OPA3: variants seen among roughly 807,000 people sequenced by gnomAD.
OPA3 encodes optic atrophy 3 protein.
Under a neutral mutation model 4.0 loss-of-function variants are expected in OPA3, and 6 were observed. The ratio of observed to expected loss-of-function variants is 1.51; its 90% CI spans 0.83 to 2.99. The LOEUF (loss-of-function observed/expected upper bound fraction) is 2.99, where lower values mean the gene tolerates loss of function less well. Among genes scored for constraint, OPA3 ranks in the 30% most tolerant of loss-of-function variants. The pLI is 0.00. For synonymous variants in OPA3, 105 were observed against 117.1 expected (o/e 0.90, Z 0.67); for missense variants, 235 against 256.2 (o/e 0.92, Z 0.56).
At chr19:45,537,886 C>A (rs1049034325) in intron 1 of OPA3, among the ~76,000 whole-genome samples, 2 of 152,036 alleles carry the variant, frequency 1.3e-5, no homozygotes, top group African/African-American at 4.8e-5. Flanking sequence ...CAAGGTTATT[C>A]ATTATATTGT....
chr19:45,548,677 C>T lies in OPA3; in HGVS notation c.*4837G>A, dbSNP rs1357776944. ...ATTTTTTTTATTTTTTTTTTTTTTG[C>T]GGGAGACGCCCTACCAAGGACACTG... On this transcript the variant is annotated 3_prime_UTR_variant, in exon 2 of 2. Coordinates refer to ENST00000263275, the MANE Select transcript of OPA3 (RefSeq NM_025136.4). 1.4e-5 allele frequency: 14 copies of T among 966,126 alleles called. No individual in the cohort carries two copies. The highest frequency in any genetic ancestry group is 2.3e-4 in the East Asian group (2 of 8,576). The allele number at this position is 966,126 out of a possible 1,614,324, so 59.8% of individuals were successfully genotyped here. A position where few individuals can be genotyped will look rare whatever the true frequency, so the allele number is the denominator to read the frequency against.
chr19:45,553,240 C>T lies in OPA3; in HGVS notation c.*274G>A. Reference sequence around the variant, plus strand: ...CCATTTTTTCATTTGCCAGAGTGCCCACGGTGTCCTGCTGGCTGGGACCTT... The same window carrying T: ...CCATTTTTTCATTTGCCAGAGTGCCTACGGTGTCCTGCTGGCTGGGACCTT... On this transcript the variant is annotated 3_prime_UTR_variant, in exon 2 of 2. Transcript: ENST00000263275. 7.1e-7 allele frequency: 1 copy of T among 1,408,452 alleles called. No individual in the cohort carries two copies. Among genetic ancestry groups the T allele is most frequent in the African/African-American group, 1.4e-5 (1 of 69,170 alleles). 87.2% of individuals were successfully genotyped at this position (1,408,452 alleles called of 1,614,324 possible).
At chr19:45,574,220 C>T (rs1241524550) in intron 1 of OPA3, among the ~76,000 whole-genome samples, 1 of 151,742 alleles carries the variant, frequency 6.6e-6, no homozygotes, top group African/African-American at 2.4e-5. Flanking sequence ...GGTGAAACCC[C>T]GTCTCTACTA....
intron 1 of OPA3, among the ~76,000 whole-genome samples, chr19:45,560,812 A>G (rs530896295): frequency 1.3e-4 from 20 of 152,288 alleles, no homozygotes; most frequent in South Asian, 6.2e-4. Flanking sequence ...ACTCTAGGTC[A>G]CAACACAGTG....
chr19:45,558,903 TAC>T lies in OPA3; in HGVS notation c.143-4994_143-4993del, dbSNP rs888111870. On this transcript the variant is annotated intron_variant, in intron 1 of 1. Transcript: ENST00000263275. ...GAGACTTTGGTGCTTTTTTTTTTGA[TAC>T]AGAGTCTTGCTCTTGTTGCCCAGGC... 7.7e-4 allele frequency among the ~76,000 whole-genome samples: 116 copies of T among 151,440 alleles called. 1 individual carries two copies. Among genetic ancestry groups the T allele is most frequent in the African/African-American group, 2.1e-3 (85 of 41,332 alleles).
intron 1 of OPA3, among the ~76,000 whole-genome samples, chr19:45,558,649 C>T (rs1969455837): frequency 6.6e-6 from 1 of 152,056 alleles, no homozygotes; most frequent in East Asian, 1.9e-4. Flanking sequence ...TGCCCCCATG[C>T]GGCCTGCCCT....
chr19:45,549,171 T>G lies in OPA3; in HGVS notation c.*4343A>C. ...AAGATAATCAGCTTCATTTACAAAT[T>G]TATTCTAACCCCTCTCCCCAAATTA... On this transcript the variant is annotated 3_prime_UTR_variant, in exon 2 of 2. Coordinates refer to ENST00000263275, the MANE Select transcript of OPA3 (RefSeq NM_025136.4). 2 of 985,326 alleles carry G rather than the reference T, an allele frequency of 2.0e-6. No homozygotes were observed. The highest frequency in any genetic ancestry group is 2.4e-6 in the Non-Finnish European group (2 of 829,922). The allele number at this position is 985,326 out of a possible 1,614,324, so 61.0% of individuals were successfully genotyped here.
At chr19:45,562,140 G>T (rs1034790171) in intron 1 of OPA3, among the ~76,000 whole-genome samples, 2 of 151,606 alleles carry the variant, frequency 1.3e-5, no homozygotes, top group South Asian at 4.2e-4. Flanking sequence ...TTGAAGTCAG[G>T]AGTTCAAGAC....
intron 1 of OPA3, among the ~76,000 whole-genome samples, chr19:45,537,997 G>A (rs1969141261): frequency 6.6e-6 from 1 of 151,362 alleles, no homozygotes; most frequent in South Asian, 2.1e-4. Context: ...AGGAGGCTGA[G>A]GCGGGAGGAC....
At chr19:45,533,918 C>G (rs1233571547) in intron 1 of OPA3, among the ~76,000 whole-genome samples, 1 of 152,214 alleles carries the variant, frequency 6.6e-6, no homozygotes, top group African/African-American at 2.4e-5. Context: ...CAAGTCAGTT[C>G]AGTCCATGTG....
intron 1 of OPA3, among the ~76,000 whole-genome samples, chr19:45,578,657 A>G (rs997553614): frequency 4.6e-5 from 7 of 151,540 alleles, no homozygotes; most frequent in African/African-American, 1.7e-4. Context: ...GAGAAACCCC[A>G]TCTCTACTTA....
At chr19:45,532,252 C>G (rs970479577) in intron 1 of OPA3, among the ~76,000 whole-genome samples, 4 of 152,136 alleles carry the variant, frequency 2.6e-5, no homozygotes, top group Non-Finnish European at 5.9e-5. Context: ...ACAACTGTAC[C>G]AGGTATTAAA....
At chr19:45,559,831 C>T (rs1969478507) in intron 1 of OPA3, among the ~76,000 whole-genome samples, 1 of 151,782 alleles carries the variant, frequency 6.6e-6, no homozygotes, top group Admixed American at 6.6e-5. Context: ...TCTCAAAGCT[C>T]CCTGGGCTTA....
chr19:45,582,086 C>T (rs55637728), intron 1 of OPA3, among the ~76,000 whole-genome samples: 34,625 of 151,754 alleles, frequency 0.23, 4,312 homozygotes, highest in Non-Finnish European at 0.28. Context: ...CGTGAGCCAC[C>T]GCGCCCCAGC....
intron 1 of OPA3, among the ~76,000 whole-genome samples, chr19:45,531,171 C>T (rs192393449): frequency 5.5e-4 from 83 of 151,690 alleles, no homozygotes; most frequent in African/African-American, 1.9e-3. Flanking sequence ...AAATATAGAC[C>T]ATGTAAAATA....
At position 45,529,054 on chromosome 19, in the gene OPA3, T is replaced by A. The variant is rs190812374; in HGVS notation, c.*2A>T. The A allele has an allele frequency of 1.3e-5, 20 of 1,598,664 alleles. No individual in the cohort carries two copies. The Admixed American group carries it at 2.7e-4, about 22-fold the overall frequency. On this transcript the variant is annotated 3_prime_UTR_variant, in exon 2 of 2. Coordinates refer to the OPA3 transcript ENST00000323060. ...CCTCCAAGACCAGGGCCCCGAGACC[T>A]CCTATTTCTCGGACGCCGGCGCAAC...
Position 45,577,483 on chromosome 19 carries a change from T to C in OPA3, c.142+7140A>G, listed in dbSNP as rs539107252. Among the ~76,000 whole-genome samples the C allele has an allele frequency of 7.2e-5, 11 of 152,320 alleles. No homozygotes were observed. In the East Asian group the frequency reaches 1.2e-3, roughly 16 times the overall value. On this transcript the variant is annotated intron_variant, in intron 1 of 1. Transcript: ENST00000263275. ...GGTGTAAATGTAAGAAGCCAGTACA[T>C]TGCAATATCTGGTAGCATCTCCAAC... is the stretch of plus-strand genomic sequence containing the variant.
chr19:45,562,107 A>C (rs1969511039), intron 1 of OPA3, among the ~76,000 whole-genome samples: 1 of 151,872 alleles, frequency 6.6e-6, no homozygotes, highest in Admixed American at 6.6e-5. Flanking sequence ...CCCAGCACTT[A>C]AGAGGCCGAG....
At chr19:45,574,834 T>A (rs1969743814) in intron 1 of OPA3, among the ~76,000 whole-genome samples, 1 of 152,078 alleles carries the variant, frequency 6.6e-6, no homozygotes. Flanking sequence ...TCTTCCCTCA[T>A]GAAAATCTGG....
Sources: allele counts gnomAD v4.1 joint callset (sites outside exome capture counted in the v4.1 genomes callset), GRCh38; gene constraint gnomAD v4.1.1; transcripts MANE v1.5; gene names NCBI Gene and HGNC (gene_info 2026-07-23, HGNC 2026-07-21).